TMEM63C: variants seen among roughly 807,000 people sequenced by gnomAD.
TMEM63C encodes the protein osmosensitive cation channel TMEM63C.
A neutral mutation model predicts 99.2 loss-of-function variants in TMEM63C; 32 were observed. The ratio of observed to expected loss-of-function variants is 0.32; its 90% CI spans 0.24 to 0.43. The LOEUF is 0.43. Ranked by LOEUF, TMEM63C falls within the 20% of genes least tolerant of loss-of-function variation. TMEM63C has a pLI of 1.00. For synonymous variants in TMEM63C, 376 were observed against 397.9 expected, an observed-to-expected ratio of 0.94 and a Z score of 0.66; for missense variants, 826 against 1,053.0, an observed-to-expected ratio of 0.78 and a Z score of 2.98.
At position 77,228,352 on chromosome 14, in the gene TMEM63C, G is replaced by A. The variant is rs1232881962; in HGVS notation, c.350+2891G>A. 2.0e-5 allele frequency among the ~76,000 whole-genome samples: 3 copies of A among 151,970 alleles called. No individual in the cohort carries two copies. The East Asian group carries it at 5.8e-4, about 29-fold the overall frequency. Reference sequence around the variant, plus strand: ...TGGACCTCACCCCGCCTCAGGCAGTGCAAGAGGACCTTCCCCCGCTCTCCA... The same window carrying A: ...TGGACCTCACCCCGCCTCAGGCAGTACAAGAGGACCTTCCCCCGCTCTCCA... On this transcript the variant is annotated intron_variant, in intron 6 of 23. Transcript: ENST00000298351.
At chr14:77,252,714 G>A (rs547651009) in intron 22 of TMEM63C, among the ~76,000 whole-genome samples, 3 of 152,218 alleles carry the variant, frequency 2.0e-5, no homozygotes, top group Non-Finnish European at 4.4e-5. Flanking sequence ...GGAGGGACTC[G>A]GAGGAGGATC....
At chr14:77,224,678 C>G (rs1401978656) in intron 5 of TMEM63C, among the ~76,000 whole-genome samples, 1 of 152,098 alleles carries the variant, frequency 6.6e-6, no homozygotes, top group Non-Finnish European at 1.5e-5. Context: ...CAGCAAGACC[C>G]CAAGAGAAAG....
chr14:77,200,557 G>A (rs1356429043), intron 1 of TMEM63C, among the ~76,000 whole-genome samples: 3 of 152,216 alleles, frequency 2.0e-5, no homozygotes, highest in Non-Finnish European at 2.9e-5. Flanking sequence ...AGCACACGAG[G>A]CAGCCAACGT....
rs1404150491 is a variant in TMEM63C, at chr14:77,249,266, G to A, written c.1871-25G>A. 6.8e-6 allele frequency: 11 copies of A among 1,611,910 alleles called. No individual in the cohort carries two copies. The South Asian group carries it at 9.9e-5, about 14-fold the overall frequency. Reference sequence around the variant, plus strand: ...GGTCCAGACTTGAAGGGGCCACTGAGTAAGTTTCCACCTTTGTCCCCCAGG... The same window carrying A: ...GGTCCAGACTTGAAGGGGCCACTGAATAAGTTTCCACCTTTGTCCCCCAGG... On this transcript the variant is annotated intron_variant, in intron 20 of 23. Transcript: ENST00000298351.
At chr14:77,214,644 C>G (rs555206475) in intron 2 of TMEM63C, among the ~76,000 whole-genome samples, 1 of 152,056 alleles carries the variant, frequency 6.6e-6, no homozygotes, top group South Asian at 2.1e-4. Flanking sequence ...AGGAGTCCCC[C>G]AGGCCACTCT....
chr14:77,208,357 C>T (rs1206432645), intron 1 of TMEM63C, among the ~76,000 whole-genome samples: 1 of 152,134 alleles, frequency 6.6e-6, no homozygotes, highest in East Asian at 1.9e-4. Flanking sequence ...AAAACTGCTG[C>T]AGCTTTTGCC....
chr14:77,203,235 G>A (rs1056679591), intron 1 of TMEM63C, among the ~76,000 whole-genome samples: 6 of 150,368 alleles, frequency 4.0e-5, no homozygotes, highest in East Asian at 1.9e-4. Flanking sequence ...AAAATTAGCC[G>A]GCCGGGCATG....
At position 77,218,801 on chromosome 14, in the gene TMEM63C, G is replaced by C. The variant is rs1268635424; in HGVS notation, c.-13G>C. On this transcript the variant is annotated splice_region_variant and 5_prime_UTR_variant, in exon 3 of 24. Coordinates refer to ENST00000298351, the MANE Select transcript of TMEM63C (RefSeq NM_020431.4). ...GACCTGGATGCCCTCTGTTTCCCAG[G>C]GATCCTCCCAGGATGTCTGCCTCAC... is the stretch of plus-strand genomic sequence containing the variant. 6.2e-7 allele frequency: 1 copy of C among 1,612,458 alleles called. No homozygotes were observed. Among genetic ancestry groups the C allele is most frequent in the Admixed American group, 1.7e-5 (1 of 59,812 alleles).
intron 1 of TMEM63C, among the ~76,000 whole-genome samples, chr14:77,204,234 T>C (rs1216173003): frequency 6.7e-6 from 1 of 148,284 alleles, no homozygotes; most frequent in Non-Finnish European, 1.5e-5. Flanking sequence ...CACTCAAATA[T>C]GAGATGCGCC....
In TMEM63C at chr14:77,181,861, C is replaced by G. The variant is rs553893571; in HGVS notation, c.-110C>G. 2.6e-5 allele frequency: 4 copies of G among 151,566 alleles called. No homozygotes were observed. Among genetic ancestry groups the G allele is most frequent in the Non-Finnish European group, 5.9e-5 (4 of 67,890 alleles). The allele number at this position is 151,566 out of a possible 1,614,324, so 9.4% of individuals were successfully genotyped here. On this transcript the variant is annotated 5_prime_UTR_variant, in exon 1 of 24. Coordinates refer to ENST00000298351, the MANE Select transcript of TMEM63C (RefSeq NM_020431.4). ...CAGCCTGGCGGCCTGAGCGCCGAGCCTGGGGCTGGGGCCGCGGTGCTGAGG... is the reference window on the plus strand; with the variant it reads ...CAGCCTGGCGGCCTGAGCGCCGAGCGTGGGGCTGGGGCCGCGGTGCTGAGG...
intron 7 of TMEM63C, among the ~76,000 whole-genome samples, chr14:77,232,955 G>T (rs1051055747): frequency 3.9e-5 from 6 of 152,188 alleles, no homozygotes; most frequent in African/African-American, 1.4e-4. Flanking sequence ...TCTGAGTCTT[G>T]TCTCATCCCA....
At chr14:77,221,495 T>C (rs185978987) in intron 5 of TMEM63C, among the ~76,000 whole-genome samples, 64 of 14,812 alleles carry the variant, frequency 4.3e-3, no homozygotes, top group Middle Eastern at 0.036. Flanking sequence ...CCTCCCCTCC[T>C]ACTCTCGCCT....
intron 2 of TMEM63C, among the ~76,000 whole-genome samples, chr14:77,218,241 G>GGC (rs1555347421): frequency 2.0e-5 from 2 of 100,576 alleles, no homozygotes; most frequent in African/African-American, 5.9e-5. Flanking sequence ...AAAAAAAAAA[G>GGC]AGGGGGGTGT....
chr14:77,227,104 G>A (rs1041573594), intron 6 of TMEM63C, among the ~76,000 whole-genome samples: 3 of 152,152 alleles, frequency 2.0e-5, no homozygotes, highest in Non-Finnish European at 4.4e-5. Context: ...GAGAATCTTG[G>A]GCTTTCATCT....
intron 23 of TMEM63C, among the ~76,000 whole-genome samples, chr14:77,255,118 G>A (rs1403820518): frequency 1.3e-5 from 2 of 152,138 alleles, no homozygotes; most frequent in Non-Finnish European, 2.9e-5. Flanking sequence ...AGCCTCCCGA[G>A]TAGCTGGGAT....
chr14:77,210,279 G>C lies in TMEM63C; in HGVS notation c.-76-3167G>C, dbSNP rs1051523551. Reference sequence around the variant, plus strand: ...GGTGATTCCAGTGACCCCCTCCCAGGCTAAGGAGTCACTGAAAGCACTGAG... The same window carrying C: ...GGTGATTCCAGTGACCCCCTCCCAGCCTAAGGAGTCACTGAAAGCACTGAG... On this transcript the variant is annotated intron_variant, in intron 1 of 23. Coordinates refer to ENST00000298351, the MANE Select transcript of TMEM63C (RefSeq NM_020431.4). 3.3e-5 allele frequency among the ~76,000 whole-genome samples: 5 copies of C among 152,198 alleles called. 1 individual carries two copies. The highest frequency in any genetic ancestry group is 1.2e-4 in the African/African-American group (5 of 41,514).
chr14:77,209,096 GCA>G (rs1193952977), intron 1 of TMEM63C, among the ~76,000 whole-genome samples: 1 of 152,158 alleles, frequency 6.6e-6, no homozygotes, highest in Non-Finnish European at 1.5e-5. Context: ...TTAGTTTGTG[GCA>G]CAGTTTACAG....
intron 1 of TMEM63C, among the ~76,000 whole-genome samples, chr14:77,204,805 T>A (rs545341140): frequency 1.3e-5 from 2 of 152,350 alleles, no homozygotes; most frequent in African/African-American, 4.8e-5. Flanking sequence ...GTAGGTGCTA[T>A]TAACATCTCC....
chr14:77,255,866 G>T (rs182001091), intron 23 of TMEM63C, among the ~76,000 whole-genome samples: 1 of 152,290 alleles, frequency 6.6e-6, no homozygotes, highest in African/African-American at 2.4e-5. Context: ...CTTCAACCAG[G>T]GCTGTTTGGT....
Sources: gnomAD v4.1 joint callset for allele counts (sites outside exome capture counted in the v4.1 genomes callset) on GRCh38, gnomAD v4.1.1 for gene constraint, MANE v1.5 for transcripts, NCBI Gene and HGNC (gene_info 2026-07-23, HGNC 2026-07-21) for gene names.